MYH13: variants seen among roughly 807,000 people sequenced by gnomAD.
MYH13 encodes the protein myosin-13.
A neutral mutation model predicts 232.1 loss-of-function variants in MYH13; 177 were observed. The ratio of observed to expected loss-of-function variants is 0.76; its 90% CI spans 0.67 to 0.86. The LOEUF (loss-of-function observed/expected upper bound fraction) is 0.86, where lower values mean the gene tolerates loss of function less well. Among genes scored for constraint, MYH13 ranks in the 40% least tolerant of loss-of-function variants. MYH13 has a pLI of 0.00. For missense variants in MYH13, 2,246 were observed against 2,405.9 expected, an observed-to-expected ratio of 0.93 and a Z score of 1.39; for synonymous variants, 884 against 923.5, an observed-to-expected ratio of 0.96 and a Z score of 0.78.
rs1262233289 is a variant in MYH13 at position 10,350,526 on chromosome 17, C to G, written c.1144+30G>C. ...GCCCGCACATGAACATAGATGGACC[C>G]AATCGCATCCCTTTCCCAGATGCAG... On this transcript the variant is annotated intron_variant, in intron 12 of 40. Transcript: ENST00000252172. 10 of 1,606,316 alleles carry G rather than the reference C, an allele frequency of 6.2e-6. No individual in the cohort carries two copies. The Admixed American group carries it at 1.7e-4, about 27-fold the overall frequency.
rs759265293 is a variant in MYH13 at position 10,330,354 on chromosome 17, G to C, written c.2435+33C>G. On this transcript the variant is annotated intron_variant, in intron 21 of 40. Transcript: ENST00000252172. ...GACAATCAGCTGCTAAGCAGAGAGG[G>C]CAGGATAAGGTGGAGGTGAGGGTCT... 4.5e-5 allele frequency: 73 copies of C among 1,611,692 alleles called. 1 individual carries two copies. Among genetic ancestry groups the C allele is most frequent in the Non-Finnish European group, 6.2e-5 (73 of 1,178,936 alleles).
At chr17:10,308,187 G>A (rs1007910665) in intron 35 of MYH13, among the ~76,000 whole-genome samples, 2 of 151,866 alleles carry the variant, frequency 1.3e-5, no homozygotes, top group African/African-American at 4.8e-5. Flanking sequence ...AGCTGGGTGT[G>A]GTGACAAGCA....
intron 11 of MYH13, among the ~76,000 whole-genome samples, chr17:10,351,234 A>AAAAAAAAAAAAAAAAAAAAAAAAG (rs796765349): frequency 6.7e-6 from 1 of 150,290 alleles, no homozygotes; most frequent in East Asian, 2.0e-4. Context: ...AAAAAAAAAA[A>AAAAAAAAAAAAAAAAAAAAAAAAG]AGAGAACTGA....
At position 10,309,506 on chromosome 17, in the gene MYH13, C is replaced by T. The variant is rs1008579582; in HGVS notation, c.4965+16G>A. ...TGGGGCCCGTCCAGGTACGCAGAGG[C>T]GGCCACCGTGCTCACCTTGAGCTGG... On this transcript the variant is annotated intron_variant, in intron 34 of 40. Transcript: ENST00000252172. The T allele has an allele frequency of 6.2e-7, 1 of 1,601,216 alleles. No homozygotes were observed.
Position 10,350,709 on chromosome 17 carries a change from A to C in MYH13, c.1006-15T>G. The C allele has an allele frequency of 6.2e-7, 1 of 1,613,510 alleles. No individual in the cohort carries two copies. Among genetic ancestry groups the C allele is most frequent in the Non-Finnish European group, 8.5e-7 (1 of 1,179,670 alleles). On this transcript the variant is annotated splice_polypyrimidine_tract_variant and intron_variant, in intron 11 of 40. Transcript: ENST00000252172. The stretch of plus-strand genomic sequence containing the variant: ...TCAATGGCATTCTGGAAAGAAAAAA[A>C]GGACAACTGTCATAGCAGGAATCAG...
chr17:10,332,011 A>C, intron 20 of MYH13, 88 bp downstream of exon 20: 1 of 1,547,346 alleles, frequency 6.5e-7, no homozygotes. Context: ...GTGGACCAAA[A>C]GGAGAAGGGG....
rs373530742 is a variant in MYH13, at chr17:10,315,683, A to C, written c.3984+10T>G. Reference sequence around the variant, plus strand: ...GGCTTCTCAGGTTCAATCTGACTCTATATCTTTACCTTGGTTTCTTCTTCC... The same window carrying C: ...GGCTTCTCAGGTTCAATCTGACTCTCTATCTTTACCTTGGTTTCTTCTTCC... On this transcript the variant is annotated intron_variant, in intron 29 of 40. Transcript: ENST00000252172. 6.5e-5 allele frequency: 104 copies of C among 1,611,610 alleles called. No individual in the cohort carries two copies. The highest frequency in any genetic ancestry group is 6.9e-5 in the Non-Finnish European group (81 of 1,178,442).
intron 22 of MYH13, chr17:10,325,014 G>A (rs1907154512): frequency 6.6e-6 from 1 of 151,364 alleles, no homozygotes; most frequent in African/African-American, 2.4e-5. Context: ...TGTACAGATG[G>A]GGCCTCCATG....
chr17:10,346,575 G>T, intron 13 of MYH13, 105 bp downstream of exon 13: 2 of 732,432 alleles, frequency 2.7e-6, no homozygotes, highest in African/African-American at 1.8e-5. Flanking sequence ...TAATGTGAAA[G>T]CTGATTTCAT....
intron 1 of MYH13, among the ~76,000 whole-genome samples, chr17:10,372,451 C>T (rs2071884037): frequency 1.3e-5 from 2 of 152,156 alleles, no homozygotes; most frequent in Admixed American, 6.5e-5. Context: ...GTCCCAAGTC[C>T]ATAAAATATG....
intron 2 of MYH13, among the ~76,000 whole-genome samples, chr17:10,366,230 A>G (rs141062630): frequency 1.9e-3 from 283 of 150,492 alleles, no homozygotes; most frequent in African/African-American, 6.8e-3. Flanking sequence ...TCCACTACCT[A>G]TTTTCCTCAA....
At position 10,326,981 on chromosome 17, in the gene MYH13, G is replaced by GTTTTTTTTTTTTTTTTTT. The variant is rs61543278; in HGVS notation, c.2691+867_2691+884dup. Among the ~76,000 whole-genome samples the GTTTTTTTTTTTTTTTTTT allele has an allele frequency of 7.0e-4, 39 of 55,832 alleles. 19 individuals are homozygous for GTTTTTTTTTTTTTTTTTT. The highest frequency in any genetic ancestry group is 2.5e-3 in the East Asian group (4 of 1,608). 36.6% of individuals were successfully genotyped at this position (55,832 alleles called of 152,430 possible). ...GAGACATGCACCACCATGCCTACTA[G>GTTTTTTTTTTTTTTTTTT]TTTTTTTTTTTTTTTTTTTTTTTTT... is the stretch of plus-strand genomic sequence containing the variant. On this transcript the variant is annotated intron_variant, in intron 22 of 40. Transcript: ENST00000252172.
chr17:10,369,706 T>C (rs1255371799), intron 2 of MYH13, among the ~76,000 whole-genome samples: 2 of 152,182 alleles, frequency 1.3e-5, no homozygotes, highest in Non-Finnish European at 2.9e-5. Context: ...TTTTCTCCCT[T>C]CATTTACTCT....
chr17:10,335,712 G>A (rs775264439), intron 18 of MYH13, among the ~76,000 whole-genome samples: 3 of 151,870 alleles, frequency 2.0e-5, no homozygotes, highest in African/African-American at 2.4e-5. Flanking sequence ...CTGAGATGGC[G>A]CCACTGCACT....
At position 10,315,912 on chromosome 17, in the gene MYH13, C is replaced by T. The variant is rs1489478195; in HGVS notation, c.3852G>A (p.Leu1284=). The change falls in exon 28 of 41, where the codon CTG becomes CTA. Residue 1284 remains leucine (L), a synonymous_variant. Coordinates refer to ENST00000252172, the MANE Select transcript of MYH13 (RefSeq NM_003802.3). The part of the protein sequence containing the change: ...IHDLNMQKAR[L]QTQNGELSHR... ...GCCCATTCTCACCATTTTGGGTCTG[C>T]AGTCTTGCTTTCTGCATGTTCAGAT... The T allele has an allele frequency of 3.1e-6, 5 of 1,614,022 alleles. No homozygotes were observed. The highest frequency in any genetic ancestry group is 1.1e-5 in the South Asian group (1 of 91,082).
At chr17:10,368,560 G>C (rs190948604) in intron 2 of MYH13, among the ~76,000 whole-genome samples, 2 of 152,326 alleles carry the variant, frequency 1.3e-5, no homozygotes, top group East Asian at 3.9e-4. Context: ...GTGTATGGTA[G>C]TGAAGAATAC....
At chr17:10,338,481 A>G (rs1054303814) in intron 18 of MYH13, among the ~76,000 whole-genome samples, 6 of 151,568 alleles carry the variant, frequency 4.0e-5, no homozygotes, top group African/African-American at 1.5e-4. Context: ...AGTGATAATA[A>G]TAATAATAAT....
intron 2 of MYH13, among the ~76,000 whole-genome samples, chr17:10,365,873 G>A (rs1266132212): frequency 6.6e-6 from 1 of 151,248 alleles, no homozygotes. Context: ...GTGTGTGTGT[G>A]TGTGTGTGTG....
chr17:10,312,847 G>T (rs1906559548), intron 30 of MYH13, 90 bp from the exon 31 acceptor site: 2 of 1,394,508 alleles, frequency 1.4e-6, no homozygotes, highest in Non-Finnish European at 1.9e-6. Flanking sequence ...GAATAGCGTG[G>T]AAGGGACTGG....
Sources: gnomAD v4.1 joint callset for allele counts (sites outside exome capture counted in the v4.1 genomes callset) on GRCh38, gnomAD v4.1.1 for gene constraint, MANE v1.5 for transcripts, NCBI Gene and HGNC (gene_info 2026-07-23, HGNC 2026-07-21) for gene names.